Variants in ZDHHC21 observed in about 807,000 individuals in gnomAD.
ZDHHC21 encodes palmitoyltransferase ZDHHC21.
Under a neutral mutation model 34.6 loss-of-function variants are expected in ZDHHC21, and 15 were observed. The observed-to-expected ratio is 0.43, with a 90% CI of 0.29 to 0.67. The LOEUF (loss-of-function observed/expected upper bound fraction) is 0.67. Ranked by LOEUF, ZDHHC21 falls within the 30% of genes least tolerant of loss-of-function variation. The pLI, the probability that ZDHHC21 is intolerant of heterozygous loss-of-function variation, is 0.14. For synonymous variants in ZDHHC21, 142 were observed against 101.8 expected (o/e 1.40, Z -2.38); for missense variants, 344 against 327.7 (o/e 1.05, Z -0.38).
the ZDHHC21 span, among the ~76,000 whole-genome samples, chr9:14,601,050 G>C: frequency 3.9e-5 from 6 of 152,194 alleles, no homozygotes; most frequent in East Asian, 9.6e-4. Flanking sequence ...AAAAACCCTA[G>C]AAGAAAACTG....
the ZDHHC21 span, among the ~76,000 whole-genome samples, chr9:14,591,642 T>C: frequency 1.3e-5 from 2 of 152,144 alleles, no homozygotes; most frequent in Admixed American, 6.5e-5. Flanking sequence ...TGGTCCATGA[T>C]CCCTTCATAC....
chr9:14,638,842 G>A (rs544584176), intron 8 of ZDHHC21, among the ~76,000 whole-genome samples: 5 of 151,902 alleles, frequency 3.3e-5, no homozygotes, highest in African/African-American at 1.2e-4. Context: ...TTTATTAAAA[G>A]GACAAAAAGT....
the ZDHHC21 span, among the ~76,000 whole-genome samples, chr9:14,590,382 C>T: frequency 6.6e-6 from 1 of 151,870 alleles, no homozygotes; most frequent in East Asian, 1.9e-4. Flanking sequence ...CAAAGTTTTC[C>T]AAATCTGATG....
intron 7 of ZDHHC21, among the ~76,000 whole-genome samples, chr9:14,646,374 G>A (rs1447216582): frequency 1.3e-5 from 2 of 152,006 alleles, no homozygotes; most frequent in Non-Finnish European, 2.9e-5. Context: ...TTGTAACAGT[G>A]AAATACAGAA....
intron 7 of ZDHHC21, among the ~76,000 whole-genome samples, chr9:14,643,621 T>A (rs1264544602): frequency 6.6e-6 from 1 of 152,246 alleles, no homozygotes; most frequent in African/African-American, 2.4e-5. Context: ...TCCTATATTA[T>A]CTTGTAAAGC....
intron 7 of ZDHHC21, among the ~76,000 whole-genome samples, chr9:14,653,002 C>G (rs543225368): frequency 5.9e-5 from 9 of 152,080 alleles, no homozygotes; most frequent in African/African-American, 1.4e-4. Flanking sequence ...TTGCTTCAGT[C>G]TGGCTGACAG....
chr9:14,615,599 G>A lies in ZDHHC21; in HGVS notation c.*3367C>T, dbSNP rs1321791321. 3 of 151,412 alleles carry A rather than the reference G, an allele frequency of 2.0e-5. No homozygotes were observed. The highest frequency in any genetic ancestry group is 7.3e-5 in the African/African-American group (3 of 41,292). 9.4% of individuals were successfully genotyped at this position (151,412 alleles called of 1,614,324 possible). Reference sequence around the variant, plus strand: ...CTTGATATTTTTAAACTGTAAGTCTGGGTTACAAAGTACCAACTGCTCTGT... The same window carrying A: ...CTTGATATTTTTAAACTGTAAGTCTAGGTTACAAAGTACCAACTGCTCTGT... On this transcript the variant is annotated 3_prime_UTR_variant, in exon 10 of 10. Transcript: ENST00000380916.
At chr9:14,640,970 G>A (rs1829274374) in intron 7 of ZDHHC21, among the ~76,000 whole-genome samples, 2 of 152,112 alleles carry the variant, frequency 1.3e-5, no homozygotes, top group South Asian at 4.1e-4. Context: ...CTGGAAATCT[G>A]CTGTTGCTAA....
chr9:14,669,599 C>A (rs913603838), intron 5 of ZDHHC21, among the ~76,000 whole-genome samples: 1 of 145,426 alleles, frequency 6.9e-6, no homozygotes, highest in Non-Finnish European at 1.5e-5. Context: ...GACTTGGAAC[C>A]AACCCAAATG....
intron 6 of ZDHHC21, 66 bp from the exon 7 acceptor site, chr9:14,658,953 A>G: frequency 1.3e-6 from 2 of 1,498,954 alleles, no homozygotes; most frequent in East Asian, 2.3e-5. Context: ...AGGATCAATA[A>G]GACTAAATTA....
rs1047932971 is a variant in ZDHHC21 at position 14,615,893 on chromosome 9, T to C, written c.*3073A>G. ...TATAAAGAAATACTTCAGTCCAACA[T>C]ACATATTACATCAGTAATCTTACTG... On this transcript the variant is annotated 3_prime_UTR_variant, in exon 10 of 10. Transcript: ENST00000380916. The C allele has an allele frequency of 6.6e-6, 1 of 151,736 alleles. No individual in the cohort carries two copies. The allele number at this position is 151,736 out of a possible 1,614,324, so 9.4% of individuals were successfully genotyped here. A position where few individuals can be genotyped will look rare whatever the true frequency, so the allele number is the denominator to read the frequency against.
At chr9:14,632,284 A>C (rs563495388) in intron 8 of ZDHHC21, among the ~76,000 whole-genome samples, 162 of 152,274 alleles carry the variant, frequency 1.1e-3, no homozygotes, top group African/African-American at 3.5e-3. Flanking sequence ...AATAAAATAG[A>C]GTTAAGAGTC....
At chr9:14,607,130 TTAAA>T (rs913646109), downstream of ZDHHC21, among the ~76,000 whole-genome samples, 17 of 148,802 alleles carry the variant, frequency 1.1e-4, no homozygotes, top group Non-Finnish European at 2.4e-4. Flanking sequence ...AGAGGAATGG[TTAAA>T]TAATAGTTTA....
intron 7 of ZDHHC21, among the ~76,000 whole-genome samples, chr9:14,643,865 A>C (rs1185489527): frequency 6.6e-6 from 1 of 152,172 alleles, no homozygotes; most frequent in Non-Finnish European, 1.5e-5. Context: ...TGGTTTGTTT[A>C]TCCCTGCAAC....
intron 8 of ZDHHC21, among the ~76,000 whole-genome samples, chr9:14,638,342 A>C (rs1828680812): frequency 6.6e-6 from 1 of 152,082 alleles, no homozygotes; most frequent in Admixed American, 6.6e-5. Context: ...CATATGCATA[A>C]GAATGAAGAC....
intron 7 of ZDHHC21, among the ~76,000 whole-genome samples, chr9:14,651,163 A>G (rs1488545702): frequency 1.3e-5 from 2 of 151,910 alleles, no homozygotes; most frequent in East Asian, 3.8e-4. Flanking sequence ...TTAAAAAAAT[A>G]TTTTTAACCC....
chr9:14,595,752 T>C, the ZDHHC21 span, among the ~76,000 whole-genome samples: 2 of 152,124 alleles, frequency 1.3e-5, no homozygotes, highest in Admixed American at 6.5e-5. Context: ...CACATCTCCA[T>C]TGGCTGCAAA....
chr9:14,636,171 C>T (rs1054578961), intron 8 of ZDHHC21, among the ~76,000 whole-genome samples: 1 of 152,084 alleles, frequency 6.6e-6, no homozygotes, highest in African/African-American at 2.4e-5. Context: ...GCCTACAAAA[C>T]ATTCATCTCA....
intron 1 of ZDHHC21, among the ~76,000 whole-genome samples, chr9:14,691,903 T>A (rs561570383): frequency 1.3e-5 from 2 of 152,314 alleles, no homozygotes; most frequent in African/African-American, 4.8e-5. Context: ...CAAGTAAGCA[T>A]GGAAAAGCTA....
Sources: gnomAD v4.1 joint callset for allele counts (sites outside exome capture counted in the v4.1 genomes callset) on GRCh38, gnomAD v4.1.1 for gene constraint, MANE v1.5 for transcripts, NCBI Gene and HGNC (gene_info 2026-07-23, HGNC 2026-07-21) for gene names.